Variants in DCLRE1C observed in about 807,000 individuals in gnomAD.
DCLRE1C encodes protein artemis.
Under a neutral mutation model 61.4 loss-of-function variants are expected in DCLRE1C, and 47 were observed. The ratio of observed to expected loss-of-function variants is 0.77; its 90% confidence interval spans 0.61 to 0.98. DCLRE1C has a LOEUF of 0.98. Among genes scored for constraint, DCLRE1C ranks in the 50% least tolerant of loss-of-function variants. DCLRE1C has a pLI of 0.00. For synonymous variants in DCLRE1C, 337 were observed against 287.6 expected (o/e 1.17, Z -1.74); for missense variants, 858 against 816.0 (o/e 1.05, Z -0.63).
chr10:14,899,130 G>A, exon 14 of DCLRE1C: 1 of 674,436 alleles, frequency 1.5e-6, no homozygotes, highest in Non-Finnish European at 2.7e-6. Context: ...GACCAGTGTG[G>A]GCAACATAGT....
rs112438491 is a variant in DCLRE1C, at chr10:14,949,272, C to T, written c.110-185G>A. Among the ~76,000 whole-genome samples the T allele has an allele frequency of 1.1e-4, 16 of 152,282 alleles. No individual in the cohort carries two copies. The South Asian group carries it at 2.1e-3, about 20-fold the overall frequency. The stretch of plus-strand genomic sequence containing the variant: ...TGAAGAATCCTCCTCAGAACAGGAC[C>T]GGCTGCCCATTTCTGAGCCATCCAA... On this transcript the variant is annotated intron_variant, in intron 1 of 13. Coordinates refer to ENST00000378278, the MANE Select transcript of DCLRE1C (RefSeq NM_001033855.3).
intron 12 of DCLRE1C, among the ~76,000 whole-genome samples, chr10:14,921,212 C>G (rs571556241): frequency 6.6e-6 from 1 of 150,880 alleles, no homozygotes; most frequent in African/African-American, 2.4e-5. Flanking sequence ...CCCAGCTACT[C>G]GGGAGGCTGA....
chr10:14,920,100 T>C (rs186068804), intron 12 of DCLRE1C, among the ~76,000 whole-genome samples: 149 of 152,334 alleles, frequency 9.8e-4, no homozygotes, highest in African/African-American at 3.3e-3. Context: ...GTTTATCTTA[T>C]TGTTACATCA....
intron 11 of DCLRE1C, among the ~76,000 whole-genome samples, chr10:14,924,454 G>T (rs1255678931): frequency 2.0e-5 from 3 of 152,200 alleles, no homozygotes. Context: ...TGTGATCTCA[G>T]TCAAGTTACC....
intron 9 of DCLRE1C, among the ~76,000 whole-genome samples, chr10:14,928,830 T>C (rs1043349741): frequency 6.6e-6 from 1 of 150,626 alleles, no homozygotes; most frequent in Non-Finnish European, 1.5e-5. Flanking sequence ...TCACTCAGGC[T>C]GGAGTGTGGT....
intron 1 of DCLRE1C, among the ~76,000 whole-genome samples, chr10:14,950,828 G>C (rs1222004280): frequency 2.0e-5 from 3 of 152,190 alleles, no homozygotes; most frequent in African/African-American, 7.2e-5. Flanking sequence ...GGTTTGCTTT[G>C]TGTGGCTGGA....
intron 2 of DCLRE1C, 88 bp from the exon 3 acceptor site, chr10:14,945,277 A>T (rs1283298640): frequency 1.4e-6 from 2 of 1,443,030 alleles, no homozygotes; most frequent in African/African-American, 2.9e-5. Flanking sequence ...TACATCTAAT[A>T]ATTTCATTTG....
chr10:14,921,608 C>T (rs567557802), intron 12 of DCLRE1C, among the ~76,000 whole-genome samples: 2 of 152,304 alleles, frequency 1.3e-5, no homozygotes, highest in Admixed American at 1.3e-4. Flanking sequence ...TGAGCACACA[C>T]AAATGACCTA....
Position 14,935,443 on chromosome 10 carries a change from A to G in DCLRE1C, c.464+20T>C, listed in dbSNP as rs1299221268. The G allele has an allele frequency of 6.2e-7, 1 of 1,607,782 alleles. No individual in the cohort carries two copies. The highest frequency in any genetic ancestry group is 1.3e-5 in the African/African-American group (1 of 74,544). ...CAAAAATAAAATAAAATAAAATAAAACCTATACGAGGCCCAGTACCTGCCC... is the reference window on the plus strand; with the variant it reads ...CAAAAATAAAATAAAATAAAATAAAGCCTATACGAGGCCCAGTACCTGCCC... On this transcript the variant is annotated intron_variant, in intron 6 of 13. Transcript: ENST00000378278.
Position 14,910,351 on chromosome 10 carries a change from A to G in DCLRE1C, c.1157-1021T>C, listed in dbSNP as rs151108446. On this transcript the variant is annotated intron_variant, in intron 13 of 13. Transcript: ENST00000378278. ...ACTGCAGAATGTAGATTTTAAGCCA[A>G]AGATCATATGTATGTTTTAGGTCCC... 2.5e-3 allele frequency among the ~76,000 whole-genome samples: 375 copies of G among 152,348 alleles called. 2 individuals are homozygous for G. The highest frequency in any genetic ancestry group is 8.4e-3 in the African/African-American group (349 of 41,582).
At chr10:14,930,616 A>G (rs1167633570) in intron 9 of DCLRE1C, among the ~76,000 whole-genome samples, 1 of 151,852 alleles carries the variant, frequency 6.6e-6, no homozygotes, top group Non-Finnish European at 1.5e-5. Context: ...TATTTTTACT[A>G]GAGACGGGGT....
rs939867542 is a variant in DCLRE1C, at chr10:14,905,811, C to T, written c.*2597G>A. ...ACCAGTCTGACCAATATGGTGAAAC[C>T]CTGTCTCTACTAAAAATACAAAAAT... is the stretch of plus-strand genomic sequence containing the variant. On this transcript the variant is annotated 3_prime_UTR_variant, in exon 14 of 14. Coordinates refer to ENST00000378278, the MANE Select transcript of DCLRE1C (RefSeq NM_001033855.3). 6.6e-6 allele frequency among the ~76,000 whole-genome samples: 1 copy of T among 152,058 alleles called. No homozygotes were observed. Among genetic ancestry groups the T allele is most frequent in the Non-Finnish European group, 1.5e-5 (1 of 68,018 alleles).
At chr10:14,942,418 C>T (rs1564463671) in intron 3 of DCLRE1C, 1 of 152,272 alleles carries the variant, frequency 6.6e-6, no homozygotes. Context: ...CAGGAACAAC[C>T]CTGCTGTTGT....
rs756228438 is a variant in DCLRE1C, at chr10:14,908,745, G to A, written c.1742C>T (p.Thr581Ile). 1.2e-6 allele frequency: 2 copies of A among 1,614,186 alleles called. No homozygotes were observed. Among genetic ancestry groups the A allele is most frequent in the African/African-American group, 1.3e-5 (1 of 75,058 alleles). ...TSLDKADYRP[T>I]IKENIPASLM... ...AGAGGCAGGAATATTCTCTTTGATT[G>A]TTGGTCTGTAGTCAGCTTTGTCCAA... is the stretch of plus-strand genomic sequence containing the variant. The change falls in exon 14 of 14, where the codon ACA (threonine) becomes ATA (isoleucine). Residue 581 changes from threonine to isoleucine, a missense_variant. This residue lies in a region of DCLRE1C where 843 missense variants were observed against 783.5 expected (regional missense o/e 1.08). Coordinates refer to ENST00000378278, the MANE Select transcript of DCLRE1C (RefSeq NM_001033855.3).
At chr10:14,937,807 T>G (rs1277591288) in intron 4 of DCLRE1C, among the ~76,000 whole-genome samples, 1 of 146,766 alleles carries the variant, frequency 6.8e-6, no homozygotes, top group Non-Finnish European at 1.5e-5. Context: ...GGCAAGAGAA[T>G]CGCTTGAAAC....
intron 9 of DCLRE1C, among the ~76,000 whole-genome samples, chr10:14,929,450 TG>T (rs1196144989): frequency 1.4e-5 from 2 of 145,024 alleles, no homozygotes; most frequent in African/African-American, 5.1e-5. Flanking sequence ...GATCTCAGCC[TG>T]GGCAATATAG....
downstream of DCLRE1C, among the ~76,000 whole-genome samples, chr10:14,899,868 T>G (rs956302895): frequency 1.3e-5 from 2 of 152,216 alleles, no homozygotes; most frequent in Admixed American, 6.5e-5. Flanking sequence ...AATTAAACAT[T>G]GAGGTGCCTA....
intron 4 of DCLRE1C, 120 bp downstream of exon 4, chr10:14,939,690 G>C: frequency 1.2e-6 from 1 of 830,122 alleles, no homozygotes; most frequent in East Asian, 2.8e-5. Flanking sequence ...CAAAATCAAA[G>C]AGAAAGATTG....
intron 12 of DCLRE1C, among the ~76,000 whole-genome samples, chr10:14,921,183 G>T (rs1236051090): frequency 6.6e-6 from 1 of 151,926 alleles, no homozygotes; most frequent in East Asian, 1.9e-4. Flanking sequence ...AGCCGGGCGT[G>T]GTCGCGGGCG....
Sources: allele counts gnomAD v4.1 joint callset (sites outside exome capture counted in the v4.1 genomes callset), GRCh38; gene constraint gnomAD v4.1.1; regional missense constraint gnomAD v4.1.1; transcripts MANE v1.5; gene names NCBI Gene and HGNC (gene_info 2026-07-23, HGNC 2026-07-21).